DOCK10: variants seen among roughly 807,000 people sequenced by gnomAD.
DOCK10 encodes dedicator of cytokinesis protein 10.
A neutral mutation model predicts 280.1 loss-of-function variants in DOCK10; 145 were observed. The observed-to-expected ratio is 0.52, with a 90% confidence interval of 0.45 to 0.59. DOCK10 has a LOEUF of 0.59. Ranked by LOEUF, DOCK10 falls within the 20% of genes least tolerant of loss-of-function variation. The pLI is 0.00. For synonymous variants in DOCK10, 915 were observed against 942.2 expected, an observed-to-expected ratio of 0.97 and a Z score of 0.53; for missense variants, 2,368 against 2,651.7, an observed-to-expected ratio of 0.89 and a Z score of 2.35.
At chr2:224,829,391 G>C (rs1316204924) in intron 27 of DOCK10, among the ~76,000 whole-genome samples, 1 of 152,158 alleles carries the variant, frequency 6.6e-6, no homozygotes. Flanking sequence ...ATCCTAGTGG[G>C]GGAGGCCAGG....
chr2:225,016,044 C>T (rs1689581077), intron 1 of DOCK10, among the ~76,000 whole-genome samples: 1 of 152,156 alleles, frequency 6.6e-6, no homozygotes, highest in Non-Finnish European at 1.5e-5. Context: ...ATAGCATGTG[C>T]TAAAATTCTT....
chr2:224,911,999 A>G (rs1378415692), intron 3 of DOCK10, among the ~76,000 whole-genome samples: 1 of 152,106 alleles, frequency 6.6e-6, no homozygotes, highest in East Asian at 1.9e-4. Context: ...AACTAAAACA[A>G]TAATAATAAT....
At chr2:224,985,151 T>C (rs1705937633) in intron 1 of DOCK10, among the ~76,000 whole-genome samples, 1 of 152,196 alleles carries the variant, frequency 6.6e-6, no homozygotes, top group African/African-American at 2.4e-5. Flanking sequence ...ATAAATGACC[T>C]TTGGAGATTC....
chr2:224,922,952 A>G (rs1701851587), intron 2 of DOCK10, among the ~76,000 whole-genome samples: 1 of 152,202 alleles, frequency 6.6e-6, no homozygotes, highest in Admixed American at 6.5e-5. Context: ...CATGTGTTTA[A>G]AAGTGATTTT....
chr2:224,919,294 T>A (rs1298684172), intron 2 of DOCK10, among the ~76,000 whole-genome samples: 1 of 147,132 alleles, frequency 6.8e-6, no homozygotes, highest in Non-Finnish European at 1.5e-5. Flanking sequence ...TCTGTACACA[T>A]GTGAATGGGT....
chr2:224,847,064 ACTGAC>A (rs1480480314), intron 19 of DOCK10, among the ~76,000 whole-genome samples: 1 of 152,232 alleles, frequency 6.6e-6, no homozygotes, highest in Non-Finnish European at 1.5e-5. Context: ...CATTTTGGGA[ACTGAC>A]CATGCCGTAG....
rs1466863313 is a variant in DOCK10 at position 224,765,484 on chromosome 2, C to T, written c.*237G>A. 4.7e-6 allele frequency: 2 copies of T among 429,400 alleles called. No individual in the cohort carries two copies. The highest frequency in any genetic ancestry group is 2.0e-5 in the African/African-American group (1 of 49,574). 26.6% of individuals were successfully genotyped at this position (429,400 alleles called of 1,614,324 possible). On this transcript the variant is annotated 3_prime_UTR_variant, in exon 56 of 56. Coordinates refer to ENST00000258390, the MANE Select transcript of DOCK10 (RefSeq NM_014689.3). ...ACTTAGGGTTTGCATTTGAGCTACA[C>T]ATTCACTGGAATTTCATGGCAAATA...
intron 51 of DOCK10, among the ~76,000 whole-genome samples, chr2:224,777,658 C>T (rs1020444346): frequency 6.6e-6 from 1 of 152,182 alleles, no homozygotes; most frequent in Non-Finnish European, 1.5e-5. Context: ...TTCCTTGCTC[C>T]TCAGCTTGCA....
Position 224,854,965 on chromosome 2 carries a change from G to A in DOCK10, c.1886C>T (p.Pro629Leu). 6.2e-7 allele frequency: 1 copy of A among 1,603,762 alleles called. No homozygotes were observed. The highest frequency in any genetic ancestry group is 8.5e-7 in the Non-Finnish European group (1 of 1,173,966). ...IAVDNVPLEH[P>L]NCVTSSFIPV... ...AAACCATGACATCATCATCATACTT[G>A]GATGCTCCAAGGGAACGTTGTCAAC... is the stretch of plus-strand genomic sequence containing the variant. The change falls in exon 16 of 56, where the codon CCA becomes CTA. Residue 629 changes from proline to leucine, a missense_variant and splice_region_variant. By Grantham distance (98) the Pro-to-Leu change is moderately conservative (BLOSUM62 -3). Around this residue, in one of 2 missense-constraint regions of DOCK10, gnomAD observed 1,209 missense variants for 1,250.9 expected, o/e 0.97. Coordinates refer to ENST00000258390, the MANE Select transcript of DOCK10 (RefSeq NM_014689.3).
chr2:224,985,181 C>T (rs983024823), intron 1 of DOCK10, among the ~76,000 whole-genome samples: 5 of 152,108 alleles, frequency 3.3e-5, no homozygotes, highest in Non-Finnish European at 5.9e-5. Flanking sequence ...CTCTTGTCTG[C>T]CTTCTTCCCC....
In DOCK10 at chr2:224,809,514, A is replaced by G. The variant is rs559235558; in HGVS notation, c.3410-1428T>C. On this transcript the variant is annotated intron_variant, in intron 31 of 55. Transcript: ENST00000258390. ...ACATAATAGCAACAAACAAACAAAC[A>G]AAAACAACCCGCCAAGTTTTAAAAA... Among the ~76,000 whole-genome samples, 12 of 152,280 alleles carry G rather than the reference A, an allele frequency of 7.9e-5. No individual in the cohort carries two copies. In the South Asian group the frequency reaches 2.5e-3, roughly 32 times the overall value.
At chr2:224,922,429 T>C (rs1319006085) in intron 2 of DOCK10, among the ~76,000 whole-genome samples, 1 of 152,192 alleles carries the variant, frequency 6.6e-6, no homozygotes, top group Non-Finnish European at 1.5e-5. Context: ...ATAAAAGGGA[T>C]CTGAAACTGC....
At chr2:224,942,572 C>T (rs75658615) in intron 1 of DOCK10, among the ~76,000 whole-genome samples, 1,744 of 152,202 alleles carry the variant, frequency 0.011, 30 homozygotes, top group African/African-American at 0.04. Flanking sequence ...TTGTACAAAA[C>T]AAAGAGATAG....
At chr2:224,823,687 T>A in intron 27 of DOCK10, 40 bp from the exon 28 acceptor site, 1 of 1,525,430 alleles carries the variant, frequency 6.6e-7, no homozygotes, top group Non-Finnish European at 8.7e-7. Context: ...ATGTGGCATG[T>A]GAAATATTAA....
chr2:224,991,810 G>A (rs568042514), intron 1 of DOCK10, among the ~76,000 whole-genome samples: 3 of 152,316 alleles, frequency 2.0e-5, no homozygotes, highest in South Asian at 2.1e-4. Context: ...ACTAATCCCC[G>A]TTCGGGGCGG....
intron 1 of DOCK10, among the ~76,000 whole-genome samples, chr2:224,976,680 A>AT (rs1297995512): frequency 2.6e-5 from 3 of 117,000 alleles, no homozygotes; most frequent in Non-Finnish European, 5.6e-5. Context: ...GTCAAAGTTA[A>AT]TTAAAAAAAA....
intron 4 of DOCK10, among the ~76,000 whole-genome samples, chr2:224,893,817 G>C (rs923085543): frequency 1.6e-4 from 24 of 152,024 alleles, no homozygotes; most frequent in Non-Finnish European, 3.2e-4. Context: ...AGCAGACATA[G>C]GAGAATTCTT....
intron 4 of DOCK10, among the ~76,000 whole-genome samples, chr2:224,894,835 G>C (rs952491832): frequency 2.0e-5 from 3 of 152,142 alleles, no homozygotes; most frequent in Non-Finnish European, 4.4e-5. Context: ...CACCCCTGCA[G>C]TCCCATTCTC....
chr2:224,797,826 C>T lies in DOCK10; in HGVS notation c.4644+6G>A, dbSNP rs1692688805. On this transcript the variant is annotated splice_donor_region_variant and intron_variant, in intron 42 of 55. Coordinates refer to ENST00000258390, the MANE Select transcript of DOCK10 (RefSeq NM_014689.3). ...CTAAACTTCATTGAAACCTGGAGAT[C>T]CTTACCTTGCATACAAACAGTCTCA... 1.9e-6 allele frequency: 3 copies of T among 1,612,286 alleles called. No homozygotes were observed. Among genetic ancestry groups the T allele is most frequent in the Non-Finnish European group, 2.5e-6 (3 of 1,179,074 alleles).
Sources: allele counts gnomAD v4.1 joint callset (sites outside exome capture counted in the v4.1 genomes callset), GRCh38; gene constraint gnomAD v4.1.1; regional missense constraint gnomAD v4.1.1; transcripts MANE v1.5; gene names NCBI Gene and HGNC (gene_info 2026-07-23, HGNC 2026-07-21).